The following PTPRG variants were observed in gnomAD, a reference collection of about 807,000 sequenced individuals.
The protein encoded by PTPRG is protein tyrosine phosphatase receptor type G, also known as receptor-type tyrosine-protein phosphatase gamma.
A neutral mutation model predicts 165.3 loss-of-function variants in PTPRG; 102 were observed. The observed-to-expected ratio is 0.62, with a 90% CI of 0.53 to 0.73. The LOEUF is 0.73. PTPRG is among the 30% of genes least tolerant of loss of function. The probability of loss-of-function intolerance (pLI) is 0.00; values close to 1 mark genes in which losing one functional copy is unlikely to be tolerated. For missense variants in PTPRG, 1,866 were observed against 1,861.4 expected (o/e 1.00, Z -0.05); for synonymous variants, 675 against 669.5 (o/e 1.01, Z -0.13).
chr3:61,588,653 C>G (rs941003908), intron 1 of PTPRG, among the ~76,000 whole-genome samples: 20 of 152,180 alleles, frequency 1.3e-4, no homozygotes, highest in African/African-American at 4.1e-4. Context: ...ACCATGTTGT[C>G]CAGGCTGGTC....
chr3:61,752,785 C>A (rs867371947), intron 2 of PTPRG, among the ~76,000 whole-genome samples: 81 of 69,966 alleles, frequency 1.2e-3, no homozygotes, highest in East Asian at 3.6e-3. Context: ...AAGACTGTCT[C>A]AAAAAAAAAA....
intron 1 of PTPRG, among the ~76,000 whole-genome samples, chr3:61,605,177 G>C (rs1269035040): frequency 1.3e-5 from 2 of 152,194 alleles, no homozygotes; most frequent in Non-Finnish European, 2.9e-5. Flanking sequence ...TAAGTACTGA[G>C]AGAACCCTAA....
At chr3:62,150,499 G>A (rs898277332) in intron 6 of PTPRG, among the ~76,000 whole-genome samples, 4 of 152,150 alleles carry the variant, frequency 2.6e-5, no homozygotes, top group African/African-American at 9.7e-5. Context: ...TGATTTGCCT[G>A]CACATTGAAG....
At chr3:62,046,422 A>C (rs1221234121) in intron 4 of PTPRG, among the ~76,000 whole-genome samples, 2 of 152,114 alleles carry the variant, frequency 1.3e-5, no homozygotes. Flanking sequence ...GCAGTATATA[A>C]TGGAGGAATA....
intron 1 of PTPRG, among the ~76,000 whole-genome samples, chr3:61,671,414 T>C (rs1244588692): frequency 9.9e-5 from 15 of 151,898 alleles, no homozygotes; most frequent in Admixed American, 5.9e-4. Context: ...CATTCAACCC[T>C]GAGTGGATAT....
At chr3:62,198,150 AAATATAACAAT>A (rs1438593610) in intron 10 of PTPRG, among the ~76,000 whole-genome samples, 3 of 152,232 alleles carry the variant, frequency 2.0e-5, no homozygotes, top group African/African-American at 4.8e-5. Context: ...TTACTGTGGA[AAATATAACAAT>A]AATATAACAA....
rs181186076 is a variant in PTPRG at position 62,042,704 on chromosome 3, T to C, written c.520-35459T>C. ...CTGTGGCAGCTTCTCCTTTCATAGC[T>C]TCTATAATTCTGTGCTGTAAGTGCT... On this transcript the variant is annotated intron_variant, in intron 4 of 29. Transcript: ENST00000474889. Among the ~76,000 whole-genome samples, 418 of 152,302 alleles carry C rather than the reference T, an allele frequency of 2.7e-3. 2 individuals carry two copies. Among genetic ancestry groups the C allele is most frequent in the African/African-American group, 9.7e-3 (402 of 41,578 alleles).
At chr3:61,978,899 G>A (rs927427727) in intron 2 of PTPRG, among the ~76,000 whole-genome samples, 45 of 152,274 alleles carry the variant, frequency 3.0e-4, no homozygotes, top group African/African-American at 1.1e-3. Context: ...GCATGGTTTA[G>A]TCCCGTAGAT....
intron 13 of PTPRG, among the ~76,000 whole-genome samples, chr3:62,221,354 T>C (rs1700646638): frequency 6.6e-6 from 1 of 152,082 alleles, no homozygotes; most frequent in Non-Finnish European, 1.5e-5. Flanking sequence ...GCACAAAAAA[T>C]GAGTGTGAAA....
intron 3 of PTPRG, among the ~76,000 whole-genome samples, chr3:62,002,596 T>C (rs1169808757): frequency 6.6e-6 from 1 of 152,220 alleles, no homozygotes; most frequent in African/African-American, 2.4e-5. Flanking sequence ...AAGAGCAGTA[T>C]ATTTTTGAAA....
intron 2 of PTPRG, among the ~76,000 whole-genome samples, chr3:61,856,751 C>A (rs916038434): frequency 6.6e-6 from 1 of 152,136 alleles, no homozygotes; most frequent in Non-Finnish European, 1.5e-5. Flanking sequence ...GGTGGCTGTT[C>A]CACAAATTAC....
chr3:62,142,496 A>G (rs1703969049), intron 6 of PTPRG, among the ~76,000 whole-genome samples: 1 of 152,138 alleles, frequency 6.6e-6, no homozygotes, highest in African/African-American at 2.4e-5. Flanking sequence ...CATGGGTGTT[A>G]TATTTCACAA....
chr3:62,163,739 A>G (rs1223595237), intron 7 of PTPRG, among the ~76,000 whole-genome samples: 1 of 152,232 alleles, frequency 6.6e-6, no homozygotes. Context: ...AATCATTCCA[A>G]ATATTTTATA....
At chr3:61,691,791 A>G (rs868646227) in intron 1 of PTPRG, among the ~76,000 whole-genome samples, 6 of 152,258 alleles carry the variant, frequency 3.9e-5, no homozygotes, top group African/African-American at 1.4e-4. Flanking sequence ...CAAGTATTTC[A>G]GTAAAATTTT....
At chr3:62,152,730 A>G (rs749577387) in intron 6 of PTPRG, among the ~76,000 whole-genome samples, 20 of 152,158 alleles carry the variant, frequency 1.3e-4, no homozygotes, top group Admixed American at 3.9e-4. Context: ...TCTGTAATGC[A>G]TTGTCATTTA....
At chr3:61,703,612 G>A (rs1346377694) in intron 1 of PTPRG, among the ~76,000 whole-genome samples, 1 of 152,060 alleles carries the variant, frequency 6.6e-6, no homozygotes, top group Admixed American at 6.5e-5. Flanking sequence ...CTCCTGCCTC[G>A]CTCATTTGTA....
At chr3:61,736,778 C>T (rs1486486520) in intron 1 of PTPRG, among the ~76,000 whole-genome samples, 1 of 152,166 alleles carries the variant, frequency 6.6e-6, no homozygotes, top group Non-Finnish European at 1.5e-5. Flanking sequence ...CAATCTGTTC[C>T]CTGCCCAGCA....
intron 2 of PTPRG, among the ~76,000 whole-genome samples, chr3:61,918,847 C>T (rs1402097930): frequency 6.6e-6 from 1 of 152,164 alleles, no homozygotes; most frequent in East Asian, 1.9e-4. Context: ...GCCAACTTAT[C>T]CTTATTGATT....
intron 8 of PTPRG, among the ~76,000 whole-genome samples, chr3:62,174,917 T>C (rs754241737): frequency 7.2e-5 from 11 of 152,186 alleles, no homozygotes; most frequent in Admixed American, 3.9e-4. Flanking sequence ...GCAGCCCCCA[T>C]GGAGAGTTTT....
Sources: allele counts gnomAD v4.1 joint callset (sites outside exome capture counted in the v4.1 genomes callset), GRCh38; gene constraint gnomAD v4.1.1; transcripts MANE v1.5; gene names NCBI Gene and HGNC (gene_info 2026-07-23, HGNC 2026-07-21).